GDA: variants seen among roughly 807,000 people sequenced by gnomAD.
GDA encodes the protein guanine deaminase, also known as cytoplasmic PSD-95 interactor.
Under a neutral mutation model 59.6 loss-of-function variants are expected in GDA, and 18 were observed. That is an observed-to-expected ratio of 0.30 (90% CI 0.21 to 0.45). The LOEUF is 0.45. Ranked by LOEUF, GDA falls within the 20% of genes least tolerant of loss-of-function variation. The pLI is 1.00. For synonymous variants in GDA, 201 were observed against 201.1 expected (o/e 1.00, Z 0.00); for missense variants, 427 against 552.3 (o/e 0.77, Z 2.27).
intron 1 of GDA, among the ~76,000 whole-genome samples, chr9:72,120,991 T>C (rs1825640185): frequency 6.6e-6 from 1 of 152,178 alleles, no homozygotes; most frequent in African/African-American, 2.4e-5. Context: ...CTTTACTCCA[T>C]TAATGAGTCC....
intron 3 of GDA, 100 bp downstream of exon 3, chr9:72,202,842 C>T: frequency 3.4e-6 from 3 of 875,400 alleles, no homozygotes; most frequent in Non-Finnish European, 5.3e-6. Flanking sequence ...GCAGTTAAGC[C>T]TAAGATGGGC....
intron 1 of GDA, among the ~76,000 whole-genome samples, chr9:72,141,807 T>C (rs1826451620): frequency 6.6e-6 from 1 of 152,194 alleles, no homozygotes; most frequent in Non-Finnish European, 1.5e-5. Flanking sequence ...AATGAGAGCC[T>C]AATAGGATTC....
upstream of GDA, among the ~76,000 whole-genome samples, chr9:72,147,450 C>T (rs565514967): frequency 6.6e-6 from 1 of 152,318 alleles, no homozygotes; most frequent in East Asian, 1.9e-4. Flanking sequence ...GTGATCCACC[C>T]GCCTCGGCCT....
chr9:72,132,984 C>T (rs1413056218), intron 1 of GDA, among the ~76,000 whole-genome samples: 1 of 152,024 alleles, frequency 6.6e-6, no homozygotes, highest in South Asian at 2.1e-4. Flanking sequence ...TTATTCTTCT[C>T]TGGTAACAAG....
At chr9:72,259,315 G>T (rs549038051), downstream of GDA, among the ~76,000 whole-genome samples, 6 of 152,156 alleles carry the variant, frequency 3.9e-5, no homozygotes, top group Non-Finnish European at 8.8e-5. Flanking sequence ...GAGCCACCGT[G>T]CCTGGCCACT....
chr9:72,239,109 A>G (rs1839332783), intron 10 of GDA, among the ~76,000 whole-genome samples: 1 of 152,208 alleles, frequency 6.6e-6, no homozygotes, highest in Non-Finnish European at 1.5e-5. Flanking sequence ...GAAAACTACA[A>G]AGCTAATCCA....
upstream of GDA, among the ~76,000 whole-genome samples, chr9:72,145,105 A>G (rs1402173189): frequency 6.6e-6 from 1 of 151,898 alleles, no homozygotes; most frequent in Non-Finnish European, 1.5e-5. Context: ...CCTCATGAAA[A>G]CCTGAGTTAT....
intron 2 of GDA, among the ~76,000 whole-genome samples, chr9:72,200,573 C>T (rs1425413661): frequency 2.7e-5 from 4 of 148,536 alleles, no homozygotes; most frequent in Admixed American, 1.3e-4. Context: ...CAGGGCTTGG[C>T]GGTTTCCTAA....
chr9:72,180,281 C>T (rs779593287), intron 1 of GDA, among the ~76,000 whole-genome samples: 3 of 152,004 alleles, frequency 2.0e-5, no homozygotes, highest in Non-Finnish European at 2.9e-5. Context: ...CGCTTGAACC[C>T]GGGAGGCAGA....
intron 3 of GDA, among the ~76,000 whole-genome samples, chr9:72,207,657 G>A (rs915944098): frequency 2.0e-5 from 3 of 152,136 alleles, no homozygotes; most frequent in African/African-American, 7.2e-5. Flanking sequence ...GCTCATCCTT[G>A]TCTGTAATTG....
At chr9:72,144,782 G>A (rs1826563392), upstream of GDA, among the ~76,000 whole-genome samples, 1 of 152,050 alleles carries the variant, frequency 6.6e-6, no homozygotes, top group African/African-American at 2.4e-5. Context: ...CCTAAGAACT[G>A]GAAAATGGAG....
rs117351186 is a variant in GDA at position 72,232,329 on chromosome 9, T to C, written c.988+1148T>C. Reference sequence around the variant, plus strand: ...GACATTTTACAAAGTAATTAACTGGTAAGACACAATAATACGCATAATGAT... The same window carrying C: ...GACATTTTACAAAGTAATTAACTGGCAAGACACAATAATACGCATAATGAT... On this transcript the variant is annotated intron_variant, in intron 10 of 13. Transcript: ENST00000358399. Among the ~76,000 whole-genome samples the C allele has an allele frequency of 3.6e-3, 542 of 152,298 alleles. 8 individuals carry two copies. In the East Asian group the frequency reaches 0.037, roughly 10 times the overall value.
At position 72,250,030 on chromosome 9, in the gene GDA, T is replaced by C; in HGVS notation, c.*1688T>C. The C allele has an allele frequency of 2.1e-6, 2 of 964,954 alleles. No individual in the cohort carries two copies. The highest frequency in any genetic ancestry group is 2.5e-6 in the Non-Finnish European group (2 of 811,368). The allele number at this position is 964,954 out of a possible 1,614,324, so 59.8% of individuals were successfully genotyped here. A position where few individuals can be genotyped will look rare whatever the true frequency, so the allele number is the denominator to read the frequency against. On this transcript the variant is annotated 3_prime_UTR_variant, in exon 14 of 14. Transcript: ENST00000358399. ...AACAGAGTTTGTTTTGTGAGATAAG[T>C]ATCTTAGTAAACCCAATTTCCAGTC... is the stretch of plus-strand genomic sequence containing the variant.
chr9:72,160,939 C>A (rs1293475165), intron 1 of GDA, among the ~76,000 whole-genome samples: 2 of 152,140 alleles, frequency 1.3e-5, no homozygotes, highest in African/African-American at 4.8e-5. Flanking sequence ...TAGCTTCCTG[C>A]CTTCCTTCCA....
chr9:72,191,665 A>C (rs1415575655), intron 1 of GDA, among the ~76,000 whole-genome samples: 1 of 152,046 alleles, frequency 6.6e-6, no homozygotes, highest in Admixed American at 6.6e-5. Context: ...GGCTCACTGC[A>C]ACCTCCACCT....
chr9:72,144,882 G>A (rs559843980), upstream of GDA, among the ~76,000 whole-genome samples: 43 of 151,472 alleles, frequency 2.8e-4, no homozygotes, highest in African/African-American at 9.9e-4. Context: ...CAAATTTTTG[G>A]TGTATCTTTT....
At chr9:72,197,705 T>C (rs1587599122) in intron 2 of GDA, 1 of 152,150 alleles carries the variant, frequency 6.6e-6, no homozygotes, top group Non-Finnish European at 1.5e-5. Context: ...AGTAGAAGAC[T>C]GAAGTCTTTG....
In GDA at chr9:72,250,254, G is replaced by T; in HGVS notation, c.*1912G>T. 3 of 993,546 alleles carry T rather than the reference G, an allele frequency of 3.0e-6. No homozygotes were observed. In the South Asian group the frequency reaches 1.4e-4, roughly 45 times the overall value. The allele number at this position is 993,546 out of a possible 1,614,324, so 61.5% of individuals were successfully genotyped here. On this transcript the variant is annotated 3_prime_UTR_variant, in exon 14 of 14. Coordinates refer to ENST00000358399, the MANE Select transcript of GDA (RefSeq NM_004293.5). ...TGAGATGTGTAAGATTCACTTACAG[G>T]CAGTAGCTGCTTCTAGCATTTGCAA...
upstream of GDA, among the ~76,000 whole-genome samples, chr9:72,147,005 C>T (rs4745173): frequency 0.74 from 113,191 of 152,108 alleles, 42,178 homozygotes; most frequent in Middle Eastern, 0.79. Context: ...CGATTAATTT[C>T]TTTAAAAGCA....
Sources: gnomAD v4.1 joint callset for allele counts (sites outside exome capture counted in the v4.1 genomes callset) on GRCh38, gnomAD v4.1.1 for gene constraint, MANE v1.5 for transcripts, NCBI Gene and HGNC (gene_info 2026-07-23, HGNC 2026-07-21) for gene names.